The following DENND1B variants were observed in gnomAD, a reference collection of about 807,000 sequenced individuals.
DENND1B encodes DENN domain containing 1B.
A neutral mutation model predicts 90.1 loss-of-function variants in DENND1B; 59 were observed. The observed-to-expected ratio is 0.65, with a 90% CI of 0.53 to 0.81. The LOEUF (loss-of-function observed/expected upper bound fraction) is 0.81. DENND1B is among the 40% of genes least tolerant of loss of function. DENND1B has a pLI of 0.00. For synonymous variants in DENND1B, 337 were observed against 324.6 expected (o/e 1.04, Z -0.41); for missense variants, 862 against 912.6 (o/e 0.94, Z 0.71).
chr1:197,551,876 C>G (rs1671268624), intron 16 of DENND1B, among the ~76,000 whole-genome samples: 1 of 152,090 alleles, frequency 6.6e-6, no homozygotes, highest in Non-Finnish European at 1.5e-5. Context: ...AAGCAAGGAG[C>G]TGAATGATTC....
intron 9 of DENND1B, 72 bp from the exon 10 acceptor site, chr1:197,642,893 AC>A (rs1680392850): frequency 9.8e-7 from 1 of 1,017,640 alleles, no homozygotes; most frequent in Non-Finnish European, 1.5e-6. Context: ...TTACACACTT[AC>A]CAGAAAGTCT....
chr1:197,646,984 G>T, intron 8 of DENND1B, 71 bp downstream of exon 8: 2 of 1,152,316 alleles, frequency 1.7e-6, no homozygotes, highest in Non-Finnish European at 2.4e-6. Context: ...AAGCTTAAAG[G>T]CATAGTGAAA....
Position 197,509,926 on chromosome 1 carries a change from G to A in DENND1B, c.*534C>T, listed in dbSNP as rs1163987985. The A allele has an allele frequency of 1.3e-5, 2 of 151,840 alleles. No homozygotes were observed. Among genetic ancestry groups the A allele is most frequent in the Admixed American group, 1.3e-4 (2 of 15,192 alleles). 9.4% of individuals were successfully genotyped at this position (151,840 alleles called of 1,614,324 possible). On this transcript the variant is annotated 3_prime_UTR_variant, in exon 23 of 23. Coordinates refer to ENST00000620048, the MANE Select transcript of DENND1B (RefSeq NM_001195215.2). ...AGATGAATTTTGACCTTGATTTGAT[G>A]AATAGAAAAAGGCATTATTGCTCTG... is the stretch of plus-strand genomic sequence containing the variant.
At chr1:197,678,184 C>T (rs1413602260) in intron 3 of DENND1B, among the ~76,000 whole-genome samples, 1 of 152,088 alleles carries the variant, frequency 6.6e-6, no homozygotes, top group Non-Finnish European at 1.5e-5. Flanking sequence ...ATTCGTCTCC[C>T]GATAACCATG....
intron 2 of DENND1B, among the ~76,000 whole-genome samples, chr1:197,741,868 C>T (rs1558467811): frequency 6.6e-6 from 1 of 152,100 alleles, no homozygotes; most frequent in South Asian, 2.1e-4. Flanking sequence ...ATTCGATTTG[C>T]AGTCTCAGCT....
At chr1:197,746,739 C>T in intron 2 of DENND1B, 2 of 1,136,628 alleles carry the variant, frequency 1.8e-6, no homozygotes, top group Admixed American at 1.7e-5. Context: ...TCTTGAAGCA[C>T]TCTGGCAAGT....
intron 2 of DENND1B, among the ~76,000 whole-genome samples, chr1:197,752,711 T>G (rs1222512932): frequency 3.3e-5 from 5 of 151,990 alleles, no homozygotes; most frequent in Non-Finnish European, 5.9e-5. Context: ...GTTACATATG[T>G]ATACATGTGC....
rs116306513 is a variant in DENND1B, at chr1:197,701,591, G to A, written c.126+13440C>T. Among the ~76,000 whole-genome samples the A allele has an allele frequency of 4.2e-3, 636 of 151,096 alleles. 5 individuals carry two copies. The highest frequency in any genetic ancestry group is 0.015 in the African/African-American group (609 of 41,160). ...AGAAAGAAGATAGAAGAAGAAAGAA[G>A]AAAGAAAAAGGAGAAAAGCCAGAAC... is the stretch of plus-strand genomic sequence containing the variant. On this transcript the variant is annotated intron_variant, in intron 3 of 22. Coordinates refer to ENST00000620048, the MANE Select transcript of DENND1B (RefSeq NM_001195215.2).
chr1:197,609,646 T>C (rs1677003810), intron 12 of DENND1B, among the ~76,000 whole-genome samples: 1 of 150,274 alleles, frequency 6.7e-6, no homozygotes. Context: ...TTTGAACAAC[T>C]ACATTTAGAA....
At chr1:197,541,219 G>T (rs1332576589) in intron 18 of DENND1B, among the ~76,000 whole-genome samples, 1 of 152,078 alleles carries the variant, frequency 6.6e-6, no homozygotes, top group African/African-American at 2.4e-5. Flanking sequence ...AAAACCATTA[G>T]TCTCTTCTTT....
At chr1:197,706,686 A>G (rs1030545467) in intron 3 of DENND1B, among the ~76,000 whole-genome samples, 62 of 152,318 alleles carry the variant, frequency 4.1e-4, no homozygotes, top group African/African-American at 1.5e-3. Context: ...TCTCAGCATC[A>G]CTAATCATCA....
At chr1:197,652,368 G>T (rs999492287) in intron 6 of DENND1B, 53 bp from the exon 7 acceptor site, 6 of 1,382,734 alleles carry the variant, frequency 4.3e-6, no homozygotes, top group Middle Eastern at 1.9e-4. Context: ...CCAAGCAACT[G>T]CAATTAAAAC....
At chr1:197,694,723 T>G (rs1042384371) in intron 3 of DENND1B, among the ~76,000 whole-genome samples, 3 of 151,362 alleles carry the variant, frequency 2.0e-5, no homozygotes, top group Admixed American at 6.6e-5. Flanking sequence ...ATTATTTAAT[T>G]TCTATAGATT....
intron 5 of DENND1B, among the ~76,000 whole-genome samples, chr1:197,661,021 T>C (rs1654356133): frequency 6.6e-6 from 1 of 152,068 alleles, no homozygotes; most frequent in Non-Finnish European, 1.5e-5. Context: ...ACGGGGTGTT[T>C]ACAATAAGCA....
At chr1:197,736,254 C>T (rs778044612) in intron 2 of DENND1B, 1 of 399,072 alleles carries the variant, frequency 2.5e-6, no homozygotes, top group African/African-American at 2.1e-5. Flanking sequence ...ACTTGAATAG[C>T]AAAAATTTTG....
At chr1:197,683,930 TG>T (rs1209446592) in intron 3 of DENND1B, among the ~76,000 whole-genome samples, 2 of 152,196 alleles carry the variant, frequency 1.3e-5, no homozygotes, top group Admixed American at 1.3e-4. Flanking sequence ...AAAGATCAGT[TG>T]GAACAAGTAT....
chr1:197,598,496 A>T (rs1418321301), intron 13 of DENND1B, among the ~76,000 whole-genome samples: 1 of 151,864 alleles, frequency 6.6e-6, no homozygotes, highest in African/African-American at 2.4e-5. Flanking sequence ...AGCTTTTAGC[A>T]GTTTTTATCT....
In DENND1B at chr1:197,546,747, C is replaced by T. The variant is rs1186303809; in HGVS notation, c.1267G>A (p.Val423Met). 3.2e-6 allele frequency: 5 copies of T among 1,546,280 alleles called. No individual in the cohort carries two copies. The highest frequency in any genetic ancestry group is 1.2e-5 in the South Asian group (1 of 82,294). The change falls in exon 17 of 23, where the codon GTG becomes ATG. Residue 423 changes from valine to methionine, a missense_variant. Val to Met is a conservative substitution (Grantham distance 21). Transcript: ENST00000620048. ...CTTATGATTACCTTGACTGTATGCA[C>T]CCATTGTTGATATGACCTCGGGTTC... The part of the protein sequence containing the change: ...GGNPRSYQQW[V>M]HTVKKGGALF...
At chr1:197,572,092 C>T (rs1180755054) in intron 15 of DENND1B, among the ~76,000 whole-genome samples, 1 of 152,128 alleles carries the variant, frequency 6.6e-6, no homozygotes, top group Non-Finnish European at 1.5e-5. Context: ...CCACAGAGGG[C>T]AAGCCAAAGC....
Sources: gnomAD v4.1 joint callset for allele counts (sites outside exome capture counted in the v4.1 genomes callset) on GRCh38, gnomAD v4.1.1 for gene constraint, MANE v1.5 for transcripts, NCBI Gene and HGNC (gene_info 2026-07-23, HGNC 2026-07-21) for gene names.